GRIK1: variants seen among roughly 807,000 people sequenced by gnomAD.
GRIK1 encodes glutamate ionotropic receptor kainate type subunit 1, also known as glutamate receptor ionotropic, kainate 1.
Under a neutral mutation model 105.7 loss-of-function variants are expected in GRIK1, and 69 were observed. The observed-to-expected ratio is 0.65, with a 90% CI of 0.54 to 0.80. The LOEUF (loss-of-function observed/expected upper bound fraction) is 0.80, where lower values mean the gene tolerates loss of function less well. Among genes scored for constraint, GRIK1 ranks in the 30% least tolerant of loss-of-function variants. The pLI is 0.00. For synonymous variants in GRIK1, 438 were observed against 431.3 expected (o/e 1.02, Z -0.19); for missense variants, 1,109 against 1,167.3 (o/e 0.95, Z 0.73).
intron 1 of GRIK1, among the ~76,000 whole-genome samples, chr21:29,753,467 A>G (rs574834616): frequency 3.3e-5 from 5 of 152,306 alleles, no homozygotes; most frequent in African/African-American, 7.2e-5. Context: ...GACAGAATCA[A>G]TGTTGGACTC....
At chr21:29,789,633 C>A (rs2066357901) in intron 1 of GRIK1, among the ~76,000 whole-genome samples, 1 of 152,170 alleles carries the variant, frequency 6.6e-6, no homozygotes, top group Non-Finnish European at 1.5e-5. Context: ...AATAGTACCC[C>A]TTCCCTTATC....
chr21:29,568,027 T>C (rs1042890839), intron 14 of GRIK1, among the ~76,000 whole-genome samples: 1 of 152,226 alleles, frequency 6.6e-6, no homozygotes, highest in African/African-American at 2.4e-5. Context: ...ATGGATTCCC[T>C]TTAGAAAATT....
At chr21:29,757,272 T>C (rs777991821) in intron 1 of GRIK1, among the ~76,000 whole-genome samples, 70 of 152,302 alleles carry the variant, frequency 4.6e-4, no homozygotes, top group African/African-American at 1.5e-3. Flanking sequence ...ATTGTTCTAA[T>C]TGGTAAATCC....
At chr21:29,618,757 C>T (rs1046804665) in intron 7 of GRIK1, among the ~76,000 whole-genome samples, 2 of 152,140 alleles carry the variant, frequency 1.3e-5, no homozygotes, top group Non-Finnish European at 2.9e-5. Context: ...AGTGAAGTAA[C>T]TTAGGAATAG....
intron 3 of GRIK1, among the ~76,000 whole-genome samples, chr21:29,682,887 A>G (rs993606870): frequency 2.0e-5 from 3 of 152,238 alleles, no homozygotes; most frequent in African/African-American, 7.2e-5. Flanking sequence ...TATGCATCCA[A>G]CAAATGTCTC....
chr21:29,819,101 A>T (rs962197123), intron 1 of GRIK1, among the ~76,000 whole-genome samples: 27 of 152,128 alleles, frequency 1.8e-4, no homozygotes, highest in Non-Finnish European at 1.5e-5. Context: ...TTTATATGGC[A>T]AGCTATGCTT....
chr21:29,913,466 T>G (rs1054276693), intron 1 of GRIK1, among the ~76,000 whole-genome samples: 1 of 152,046 alleles, frequency 6.6e-6, no homozygotes, highest in African/African-American at 2.4e-5. Flanking sequence ...CACGACTTTA[T>G]GCTGTTTCCA....
rs1227785751 is a variant in GRIK1, at chr21:29,560,515, CCTTCCTTTCTTTCTTT to C, written c.2356+1093_2356+1108del. ...TCTTTCTTTCCTTCCTTCCTTCCTT[CCTTCCTTTCTTTCTTT>C]CTTTCTTTCTTTCTTTCTTTCTTTC... is the stretch of plus-strand genomic sequence containing the variant. On this transcript the variant is annotated intron_variant, in intron 15 of 17. Coordinates refer to ENST00000327783, the MANE Select transcript of GRIK1 (RefSeq NM_001330994.2). Among the ~76,000 whole-genome samples, 124 of 50,252 alleles carry C rather than the reference CCTTCCTTTCTTTCTTT, an allele frequency of 2.5e-3. 10 individuals carry two copies. Among genetic ancestry groups the C allele is most frequent in the Non-Finnish European group, 3.7e-3 (105 of 28,688 alleles). The allele number at this position is 50,252 out of a possible 152,430, so 33.0% of individuals were successfully genotyped here.
At chr21:29,820,420 C>T (rs141950911) in intron 1 of GRIK1, among the ~76,000 whole-genome samples, 1 of 151,930 alleles carries the variant, frequency 6.6e-6, no homozygotes, top group Admixed American at 6.6e-5. Context: ...TGAATGGAAA[C>T]CTGAGAAGTT....
intron 1 of GRIK1, chr21:29,763,435 G>A (rs1347402255): frequency 6.6e-6 from 1 of 152,246 alleles, no homozygotes; most frequent in Non-Finnish European, 1.5e-5. Context: ...AGCGTCACAA[G>A]AAGGCATAAA....
chr21:29,627,378 G>A (rs1244449117), intron 7 of GRIK1, among the ~76,000 whole-genome samples: 1 of 152,184 alleles, frequency 6.6e-6, no homozygotes, highest in Non-Finnish European at 1.5e-5. Flanking sequence ...TAAGTCATGA[G>A]AGAAAAGTAG....
At chr21:29,761,075 G>T (rs537012655) in intron 1 of GRIK1, among the ~76,000 whole-genome samples, 3 of 152,270 alleles carry the variant, frequency 2.0e-5, no homozygotes, top group Admixed American at 1.3e-4. Context: ...TTGTGGGCTT[G>T]CTGTTGATGA....
intron 7 of GRIK1, among the ~76,000 whole-genome samples, chr21:29,600,064 G>A (rs970939939): frequency 2.8e-4 from 43 of 152,072 alleles, no homozygotes; most frequent in African/African-American, 6.7e-4. Flanking sequence ...CCAGCCTGGC[G>A]ACAGAGCAAG....
At chr21:29,890,270 G>A (rs1160525358) in intron 1 of GRIK1, among the ~76,000 whole-genome samples, 2 of 152,104 alleles carry the variant, frequency 1.3e-5, no homozygotes, top group African/African-American at 4.8e-5. Context: ...TCCAGTTTAA[G>A]TGCATATAGA....
intron 1 of GRIK1, among the ~76,000 whole-genome samples, chr21:29,725,708 T>C (rs1373581860): frequency 6.6e-6 from 1 of 152,124 alleles, no homozygotes; most frequent in Non-Finnish European, 1.5e-5. Flanking sequence ...ATTATGAGAG[T>C]GCATAAAGTA....
intron 12 of GRIK1, 104 bp from the exon 13 acceptor site, chr21:29,581,647 C>CAAA: frequency 1.5e-6 from 1 of 666,544 alleles, no homozygotes. Context: ...CAATTAATCA[C>CAAA]AAAAGCTTCA....
At chr21:29,575,272 G>T (rs2090862909) in intron 14 of GRIK1, among the ~76,000 whole-genome samples, 1 of 151,630 alleles carries the variant, frequency 6.6e-6, no homozygotes, top group Non-Finnish European at 1.5e-5. Context: ...TTTTTCACAA[G>T]TCAAACAGTC....
intron 1 of GRIK1, among the ~76,000 whole-genome samples, chr21:29,817,629 G>A (rs960918502): frequency 3.3e-5 from 5 of 151,956 alleles, no homozygotes; most frequent in Non-Finnish European, 5.9e-5. Flanking sequence ...TGCCAGCAGC[G>A]CACCCTAGAG....
intron 1 of GRIK1, among the ~76,000 whole-genome samples, chr21:29,924,469 A>G (rs1036919638): frequency 8.5e-5 from 13 of 152,180 alleles, no homozygotes; most frequent in Admixed American, 4.6e-4. Context: ...TGGTTACTGT[A>G]AGAAAGGTTA....
Sources: allele counts gnomAD v4.1 joint callset (sites outside exome capture counted in the v4.1 genomes callset), GRCh38; gene constraint gnomAD v4.1.1; transcripts MANE v1.5; gene names NCBI Gene and HGNC (gene_info 2026-07-23, HGNC 2026-07-21).